YAE1: variants seen among roughly 807,000 people sequenced by gnomAD.
YAE1 encodes the protein protein YAE1 homolog.
In YAE1, 22 loss-of-function variants were observed where a neutral mutation model predicts 23.0. That is an observed-to-expected ratio of 0.96 (90% confidence interval 0.68 to 1.37). The LOEUF (loss-of-function observed/expected upper bound fraction) is 1.37. YAE1 is among the 40% of genes most tolerant of loss of function. The probability of loss-of-function intolerance (pLI) is 0.00; values close to 1 mark genes in which losing one functional copy is unlikely to be tolerated. For missense variants in YAE1, 260 were observed against 262.1 expected (o/e 0.99, Z 0.06); for synonymous variants, 101 against 97.0 (o/e 1.04, Z -0.24).
At chr7:39,610,069 T>G in exon 3 of YAE1, 1 of 1,437,926 alleles carries the variant, frequency 7.0e-7, no homozygotes, top group Non-Finnish European at 9.1e-7. Context: ...GCTGCAGGTT[T>G]CTCCTGGGTG....
intron 2 of YAE1, among the ~76,000 whole-genome samples, chr7:39,592,136 A>G (rs963122606): frequency 2.6e-5 from 4 of 152,250 alleles, no homozygotes; most frequent in Non-Finnish European, 5.9e-5. Flanking sequence ...TAAAGCTGCA[A>G]TAAACATCTT....
chr7:39,576,862 T>A (rs1356976787), downstream of YAE1, among the ~76,000 whole-genome samples: 12 of 152,294 alleles, frequency 7.9e-5, no homozygotes, highest in African/African-American at 2.9e-4. Context: ...GATTCCAAAA[T>A]ACATCGTGTT....
At chr7:39,607,535 G>A (rs2329463) in intron 2 of YAE1, among the ~76,000 whole-genome samples, 110,783 of 152,076 alleles carry the variant, frequency 0.73, 42,031 homozygotes, top group East Asian at 0.89. Context: ...TCTGAGCCCA[G>A]TAAGATCCAT....
intron 2 of YAE1, among the ~76,000 whole-genome samples, chr7:39,601,400 C>A (rs531072212): frequency 6.6e-6 from 1 of 152,164 alleles, no homozygotes; most frequent in East Asian, 1.9e-4. Flanking sequence ...CACAAGTAAA[C>A]AAAGCTTCTG....
intron 2 of YAE1, among the ~76,000 whole-genome samples, chr7:39,606,600 T>C (rs997360189): frequency 6.6e-6 from 1 of 152,224 alleles, no homozygotes; most frequent in African/African-American, 2.4e-5. Context: ...GGTACACAGA[T>C]AACATTCCAG....
chr7:39,583,441 C>T (rs1583674557), intron 2 of YAE1, among the ~76,000 whole-genome samples: 1 of 152,206 alleles, frequency 6.6e-6, no homozygotes, highest in East Asian at 1.9e-4. Flanking sequence ...AAATCATACT[C>T]ATAAGTCACT....
At chr7:39,576,341 C>CTT (rs895676720), downstream of YAE1, among the ~76,000 whole-genome samples, 8 of 152,222 alleles carry the variant, frequency 5.3e-5, no homozygotes, top group African/African-American at 1.9e-4. Context: ...ACTTCCCTGA[C>CTT]TTAAAACCTA....
intron 2 of YAE1, among the ~76,000 whole-genome samples, chr7:39,593,934 G>A (rs935229904): frequency 9.2e-5 from 14 of 152,310 alleles, no homozygotes; most frequent in Non-Finnish European, 1.6e-4. Context: ...TTTCCTTAGA[G>A]TGTTGGTTGA....
intron 2 of YAE1, among the ~76,000 whole-genome samples, chr7:39,591,807 T>TA (rs1790904316): frequency 1.3e-5 from 2 of 152,206 alleles, no homozygotes; most frequent in Non-Finnish European, 2.9e-5. Flanking sequence ...TCCACTGCCC[T>TA]AAAAAATGCT....
chr7:39,602,953 T>G (rs941180725), intron 2 of YAE1, among the ~76,000 whole-genome samples: 26 of 152,014 alleles, frequency 1.7e-4, no homozygotes, highest in African/African-American at 5.8e-4. Flanking sequence ...TTCACGATGT[T>G]GGTCAAGCTG....
chr7:39,601,511 G>A (rs1218603882), intron 2 of YAE1, among the ~76,000 whole-genome samples: 1 of 152,104 alleles, frequency 6.6e-6, no homozygotes, highest in East Asian at 1.9e-4. Context: ...TGTAATCCCA[G>A]CACTTTGGGA....
At chr7:39,601,080 T>C (rs1245109122) in intron 2 of YAE1, among the ~76,000 whole-genome samples, 1 of 152,236 alleles carries the variant, frequency 6.6e-6, no homozygotes, top group Non-Finnish European at 1.5e-5. Flanking sequence ...AGATTTTGTC[T>C]GTATTATTTT....
At chr7:39,588,330 G>A (rs1790850429) in intron 2 of YAE1, among the ~76,000 whole-genome samples, 4 of 152,034 alleles carry the variant, frequency 2.6e-5, no homozygotes, top group South Asian at 4.2e-4. Flanking sequence ...TGGCCAACAT[G>A]GTGAAACCCC....
intron 2 of YAE1, among the ~76,000 whole-genome samples, chr7:39,595,005 G>GTTGGTT (rs2115829614): frequency 6.6e-6 from 1 of 152,264 alleles, no homozygotes; most frequent in South Asian, 2.1e-4. Context: ...TTACGCTTTG[G>GTTGGTT]TTTGTTTTTG....
Position 39,572,775 on chromosome 7 carries a change from C to T in YAE1, c.*69C>T, listed in dbSNP as rs1583669355. On this transcript the variant is annotated 3_prime_UTR_variant, in exon 3 of 3. Transcript: ENST00000223273. ...GGTTTCCTAACAATCGAAATTTGTA[C>T]TGGTTTCTGCATCAAACACCTCAAC... 1.7e-5 allele frequency: 26 copies of T among 1,504,512 alleles called. No homozygotes were observed. In the East Asian group the frequency reaches 5.8e-4, roughly 34 times the overall value. 93.2% of individuals were successfully genotyped at this position (1,504,512 alleles called of 1,614,324 possible).
At chr7:39,580,134 G>T (rs1790719686) in intron 2 of YAE1, among the ~76,000 whole-genome samples, 1 of 152,200 alleles carries the variant, frequency 6.6e-6, no homozygotes, top group South Asian at 2.1e-4. Context: ...AAAAGAGATG[G>T]TCCCTGCCTA....
Position 39,567,303 on chromosome 7 carries a change from A to T in YAE1, c.129+756A>T, listed in dbSNP as rs561793032. ...AAAAACCATGTTGTCAATTACAAAA[A>T]TGCTTTATGTGAGACTGGGGCCACA... is the stretch of plus-strand genomic sequence containing the variant. On this transcript the variant is annotated intron_variant, in intron 1 of 2. Transcript: ENST00000223273. Among the ~76,000 whole-genome samples, 1,051 of 152,322 alleles carry T rather than the reference A, an allele frequency of 6.9e-3. 7 individuals are homozygous for T. Among genetic ancestry groups the T allele is most frequent in the Middle Eastern group, 0.041 (12 of 294 alleles).
At chr7:39,608,818 T>G (rs1233652444) in intron 2 of YAE1, among the ~76,000 whole-genome samples, 1 of 152,338 alleles carries the variant, frequency 6.6e-6, no homozygotes, top group East Asian at 1.9e-4. Context: ...AAACAAATAC[T>G]TTTAATTACT....
chr7:39,581,723 CA>C (rs1790744916), intron 2 of YAE1, among the ~76,000 whole-genome samples: 1 of 151,152 alleles, frequency 6.6e-6, no homozygotes, highest in East Asian at 2.0e-4. Context: ...AATACAAAAT[CA>C]ACCGGGCATG....
Sources: gnomAD v4.1 joint callset for allele counts (sites outside exome capture counted in the v4.1 genomes callset) on GRCh38, gnomAD v4.1.1 for gene constraint, MANE v1.5 for transcripts, NCBI Gene and HGNC (gene_info 2026-07-23, HGNC 2026-07-21) for gene names.